The following CACNA2D3 variants were observed in gnomAD, a reference collection of about 807,000 sequenced individuals.
CACNA2D3 encodes the protein calcium voltage-gated channel auxiliary subunit alpha2delta 3.
A neutral mutation model predicts 160.6 loss-of-function variants in CACNA2D3; 60 were observed. The ratio of observed to expected loss-of-function variants is 0.37; its 90% CI spans 0.30 to 0.46. The LOEUF is 0.46. CACNA2D3 is among the 20% of genes least tolerant of loss of function. The pLI, the probability that CACNA2D3 is intolerant of heterozygous loss-of-function variation, is 1.00. For synonymous variants in CACNA2D3, 558 were observed against 492.9 expected (o/e 1.13, Z -1.75); for missense variants, 1,205 against 1,365.0 (o/e 0.88, Z 1.85).
In CACNA2D3 at chr3:54,887,849, A is replaced by G. The variant is rs77907401; in HGVS notation, c.2057-110A>G. 5,499 of 792,794 alleles carry G rather than the reference A, an allele frequency of 6.9e-3. 218 individuals are homozygous for G. The African/African-American group carries it at 0.081, about 12-fold the overall frequency. The allele number at this position is 792,794 out of a possible 1,614,324, so 49.1% of individuals were successfully genotyped here. A position where few individuals can be genotyped will look rare whatever the true frequency, so the allele number is the denominator to read the frequency against. On this transcript the variant is annotated intron_variant, in intron 23 of 37. Coordinates refer to ENST00000474759, the MANE Select transcript of CACNA2D3 (RefSeq NM_018398.3). ...GTGGGAACTTAACTCATAAAGCAAC[A>G]TGCCGCATGAGAAAGTAGCCTGCAG...
intron 11 of CACNA2D3, among the ~76,000 whole-genome samples, chr3:54,700,798 G>A (rs1327839036): frequency 3.3e-5 from 5 of 152,186 alleles, no homozygotes; most frequent in African/African-American, 1.2e-4. Context: ...TGTCATGGCA[G>A]CCCTGTGAGA....
At chr3:54,964,555 C>T (rs1702100122) in intron 27 of CACNA2D3, among the ~76,000 whole-genome samples, 1 of 152,074 alleles carries the variant, frequency 6.6e-6, no homozygotes, top group Non-Finnish European at 1.5e-5. Flanking sequence ...AATAGACGGG[C>T]TTGACAAATG....
intron 4 of CACNA2D3, among the ~76,000 whole-genome samples, chr3:54,448,812 A>C (rs2106811753): frequency 6.6e-6 from 1 of 152,306 alleles, no homozygotes; most frequent in African/African-American, 2.4e-5. Context: ...ATATCATTAC[A>C]ATGTCTTATT....
chr3:54,163,802 G>A (rs1220602213), intron 2 of CACNA2D3, among the ~76,000 whole-genome samples: 1 of 152,178 alleles, frequency 6.6e-6, no homozygotes. Flanking sequence ...GACGGCATGC[G>A]GAGGCGTCAA....
intron 11 of CACNA2D3, among the ~76,000 whole-genome samples, chr3:54,659,170 A>G (rs922588057): frequency 6.6e-6 from 1 of 152,204 alleles, no homozygotes; most frequent in African/African-American, 2.4e-5. Context: ...AAAATTAGAT[A>G]AATAACACAA....
chr3:54,859,475 A>G (rs542331227), intron 17 of CACNA2D3, among the ~76,000 whole-genome samples: 1 of 152,334 alleles, frequency 6.6e-6, no homozygotes, highest in African/African-American at 2.4e-5. Context: ...GAGGCAAAGA[A>G]GGAGCTTGGC....
intron 2 of CACNA2D3, among the ~76,000 whole-genome samples, chr3:54,232,486 A>G (rs78950317): frequency 0.019 from 2,947 of 152,298 alleles, 117 homozygotes; most frequent in East Asian, 0.13. Context: ...TAATAACACA[A>G]CTATGAACTG....
intron 3 of CACNA2D3, among the ~76,000 whole-genome samples, chr3:54,386,411 G>T (rs536574006): frequency 1.3e-5 from 2 of 152,352 alleles, no homozygotes; most frequent in Non-Finnish European, 1.5e-5. Flanking sequence ...GTGGGTTTTG[G>T]ATCTGCATTG....
At chr3:54,749,371 T>G (rs1354607445) in intron 11 of CACNA2D3, among the ~76,000 whole-genome samples, 1 of 152,206 alleles carries the variant, frequency 6.6e-6, no homozygotes, top group Non-Finnish European at 1.5e-5. Context: ...TTACAAGTAA[T>G]GAAGGTGAAC....
At chr3:54,867,585 G>A (rs962926861) in intron 17 of CACNA2D3, among the ~76,000 whole-genome samples, 7 of 148,370 alleles carry the variant, frequency 4.7e-5, no homozygotes, top group Non-Finnish European at 8.9e-5. Flanking sequence ...ATAAAGTATT[G>A]ATACATGAAA....
chr3:54,258,860 C>T (rs983382996), intron 2 of CACNA2D3, among the ~76,000 whole-genome samples: 9 of 152,162 alleles, frequency 5.9e-5, no homozygotes, highest in African/African-American at 1.4e-4. Flanking sequence ...TTTAAAGCCC[C>T]AGACAGTGCT....
intron 2 of CACNA2D3, among the ~76,000 whole-genome samples, chr3:54,220,643 TCCTC>T (rs1322499601): frequency 1.3e-5 from 2 of 152,064 alleles, no homozygotes; most frequent in African/African-American, 4.8e-5. Context: ...ATGAGGCCCT[TCCTC>T]TAGCTTCAGG....
intron 27 of CACNA2D3, among the ~76,000 whole-genome samples, chr3:54,921,269 ACCACGTTGT>A (rs1164517012): frequency 6.6e-6 from 1 of 152,110 alleles, no homozygotes; most frequent in Non-Finnish European, 1.5e-5. Flanking sequence ...AACTCCCTTG[ACCACGTTGT>A]GCCTCTGCTT....
chr3:54,972,716 T>G (rs1702302252), intron 29 of CACNA2D3, among the ~76,000 whole-genome samples: 1 of 152,204 alleles, frequency 6.6e-6, no homozygotes, highest in South Asian at 2.1e-4. Flanking sequence ...GTGTGCCAGA[T>G]GCTCTGCCAT....
chr3:54,227,457 A>G (rs1417369379), intron 2 of CACNA2D3, among the ~76,000 whole-genome samples: 1 of 152,168 alleles, frequency 6.6e-6, no homozygotes, highest in East Asian at 1.9e-4. Flanking sequence ...TAGAAGAGTA[A>G]AATTTGGTTT....
intron 2 of CACNA2D3, among the ~76,000 whole-genome samples, chr3:54,235,742 A>G (rs1191872603): frequency 1.3e-5 from 2 of 152,252 alleles, no homozygotes; most frequent in Admixed American, 6.5e-5. Context: ...TATAAAATAA[A>G]TACTCACAAT....
At chr3:54,466,196 T>C (rs1035991777) in intron 4 of CACNA2D3, among the ~76,000 whole-genome samples, 4 of 152,248 alleles carry the variant, frequency 2.6e-5, no homozygotes, top group African/African-American at 7.2e-5. Flanking sequence ...GATTAGTGTT[T>C]GAATAATCAA....
At chr3:54,595,073 A>ATT (rs934905719) in intron 9 of CACNA2D3, among the ~76,000 whole-genome samples, 14 of 152,342 alleles carry the variant, frequency 9.2e-5, no homozygotes, top group African/African-American at 3.4e-4. Context: ...GTGTTTTAAA[A>ATT]GAGTATCACT....
intron 3 of CACNA2D3, among the ~76,000 whole-genome samples, chr3:54,374,882 G>C (rs1326392933): frequency 6.6e-6 from 1 of 151,882 alleles, no homozygotes; most frequent in Admixed American, 6.6e-5. Flanking sequence ...AGAACATCTA[G>C]ATAACATCAA....
Sources: allele counts gnomAD v4.1 joint callset (sites outside exome capture counted in the v4.1 genomes callset), GRCh38; gene constraint gnomAD v4.1.1; transcripts MANE v1.5; gene names NCBI Gene and HGNC (gene_info 2026-07-23, HGNC 2026-07-21).